NOTCH2NLR: variants seen among roughly 807,000 people sequenced by gnomAD.
NOTCH2NLR encodes notch 2 N-terminal like R.
NOTCH2NLR carries 33 observed loss-of-function variants against 35.6 expected under a neutral mutation model. The observed-to-expected ratio is 0.93, with a 90% confidence interval of 0.70 to 1.24. NOTCH2NLR has a LOEUF of 1.24. Ranked by LOEUF, NOTCH2NLR falls within the 50% of genes most tolerant of loss-of-function variation. The probability of loss-of-function intolerance (pLI) is 0.00; values close to 1 mark genes in which losing one functional copy is unlikely to be tolerated. For missense variants in NOTCH2NLR, 276 were observed against 362.2 expected (o/e 0.76, Z 1.93); for synonymous variants, 103 against 141.0 (o/e 0.73, Z 1.91).
intron 2 of NOTCH2NLR, among the ~76,000 whole-genome samples, chr1:120,781,709 GCC>G (rs1651363406): frequency 1.2e-5 from 1 of 82,822 alleles, no homozygotes; most frequent in Non-Finnish European, 2.2e-5. Flanking sequence ...GACTACAGGC[GCC>G]TGCCACCACG....
rs1488679316 is a variant in NOTCH2NLR, at chr1:120,763,062, C to T, written c.74-566C>T. On this transcript the variant is annotated intron_variant, in intron 1 of 4. Coordinates refer to ENST00000624419, the Ensembl canonical transcript of NOTCH2NLR. ...CTTAAAGCTAGAGATTATGTTTATT[C>T]GGTTATTTATGTATTCCATTTCTCC... 5.8e-5 allele frequency among the ~76,000 whole-genome samples: 5 copies of T among 85,676 alleles called. 1 individual carries two copies. The highest frequency in any genetic ancestry group is 6.4e-4 in the South Asian group (2 of 3,106). The allele number at this position is 85,676 out of a possible 152,430, so 56.2% of individuals were successfully genotyped here. A position where few individuals can be genotyped will look rare whatever the true frequency, so the allele number is the denominator to read the frequency against.
In NOTCH2NLR at chr1:120,748,113, C is replaced by CTTT. The variant is rs1186945714; in HGVS notation, c.74-15492_74-15490dup. Among the ~76,000 whole-genome samples the CTTT allele has an allele frequency of 6.1e-4, 18 of 29,684 alleles. No homozygotes were observed. In the East Asian group the frequency reaches 0.02, roughly 34 times the overall value. The allele number at this position is 29,684 out of a possible 152,430, so 19.5% of individuals were successfully genotyped here. A position where few individuals can be genotyped will look rare whatever the true frequency, so the allele number is the denominator to read the frequency against. On this transcript the variant is annotated intron_variant, in intron 1 of 4. Coordinates refer to ENST00000624419, the Ensembl canonical transcript of NOTCH2NLR. ...TAGAGTTAGGGCTTGGTAAAGGCTC[C>CTTT]TTTTTTTTTTTTTTTTTTTTTTTTT... is the stretch of plus-strand genomic sequence containing the variant.
intron 1 of NOTCH2NLR, among the ~76,000 whole-genome samples, chr1:120,756,138 G>A (rs1211657663): frequency 8.9e-6 from 1 of 112,962 alleles, no homozygotes; most frequent in Non-Finnish European, 1.7e-5. Context: ...GAAATTGCAG[G>A]GCGCTATGAG....
At chr1:120,790,004 G>T in intron 3 of NOTCH2NLR, among the ~76,000 whole-genome samples, 1 of 72,882 alleles carries the variant, frequency 1.4e-5, no homozygotes, top group Non-Finnish European at 2.4e-5. Flanking sequence ...GCAAGATTCT[G>T]ATCACCTTTT....
chr1:120,793,750 C>G, exon 5 of NOTCH2NLR: 1 of 819,098 alleles, frequency 1.2e-6, no homozygotes, highest in Non-Finnish European at 1.9e-6. Flanking sequence ...TTTGTAGAAA[C>G]AGTGAGAAAT....
Position 120,767,461 on chromosome 1 carries a change from AC to A in NOTCH2NLR, c.155+3753del, listed in dbSNP as rs1651206795. Among the ~76,000 whole-genome samples the A allele has an allele frequency of 4.4e-5, 3 of 67,556 alleles. 1 individual carries two copies. The highest frequency in any genetic ancestry group is 3.9e-4 in the African/African-American group (3 of 7,690). 44.3% of individuals were successfully genotyped at this position (67,556 alleles called of 152,430 possible). A position where few individuals can be genotyped will look rare whatever the true frequency, so the allele number is the denominator to read the frequency against. ...ATCACATTGACAGATGAAGATAACTACTTTTGAAGATTAGTTTTGTACTCAG... is the reference window on the plus strand; with the variant it reads ...ATCACATTGACAGATGAAGATAACTATTTTGAAGATTAGTTTTGTACTCAG... On this transcript the variant is annotated intron_variant, in intron 2 of 4. Transcript: ENST00000624419.
rs1651476830 is a variant in NOTCH2NLR at position 120,790,542 on chromosome 1, T to TC, written c.416-2619_416-2618insC. Among the ~76,000 whole-genome samples the TC allele has an allele frequency of 3.7e-5, 3 of 81,130 alleles. 1 individual carries two copies. The highest frequency in any genetic ancestry group is 8.8e-5 in the African/African-American group (1 of 11,330). The allele number at this position is 81,130 out of a possible 152,430, so 53.2% of individuals were successfully genotyped here. A position where few individuals can be genotyped will look rare whatever the true frequency, so the allele number is the denominator to read the frequency against. On this transcript the variant is annotated intron_variant, in intron 3 of 4. Coordinates refer to ENST00000624419, the Ensembl canonical transcript of NOTCH2NLR. The stretch of plus-strand genomic sequence containing the variant: ...TTTCTTTCTTTCTCCCTCCCTTTCT[T>TC]TCTTTCTTTCTTTCTTTCTTTCTTT...
chr1:120,778,580 G>C (rs1456930876), intron 2 of NOTCH2NLR, among the ~76,000 whole-genome samples: 47 of 18,206 alleles, frequency 2.6e-3, no homozygotes, highest in Admixed American at 7.6e-3. Context: ...TGTTGTTGTT[G>C]TTTTTTTTTG....
chr1:120,793,372 C>A lies in NOTCH2NLR; in HGVS notation c.627C>A (p.Cys209Ter), dbSNP rs1435445498. 2.4e-5 allele frequency: 34 copies of A among 1,431,638 alleles called. 7 individuals carry two copies. The highest frequency in any genetic ancestry group is 3.0e-5 in the Non-Finnish European group (32 of 1,070,322). 88.7% of individuals were successfully genotyped at this position (1,431,638 alleles called of 1,614,324 possible). Residue 209 changes from cysteine to a stop codon, truncating the protein, a stop_gained, in exon 4 of 5, where the codon TGC becomes TGA. Coordinates refer to ENST00000624419, the Ensembl canonical transcript of NOTCH2NLR. LOFTEE classifies it high-confidence loss of function. ...TGCCTGGTTCCTACCAGTGCCAGTG[C>A]CTTCAGGGCTTCACAGGCCAGTACT...
At position 120,776,129 on chromosome 1, in the gene NOTCH2NLR, T is replaced by G; in HGVS notation, c.156-8845T>G. ...CTTCTGCACTGAATAGTTGAATGCC[T>G]TCTATATGCCAGTCATTGTGTTAGG... On this transcript the variant is annotated intron_variant, in intron 2 of 4. Coordinates refer to ENST00000624419, the Ensembl canonical transcript of NOTCH2NLR. 1.7e-5 allele frequency among the ~76,000 whole-genome samples: 2 copies of G among 116,928 alleles called. 1 individual carries two copies. The highest frequency in any genetic ancestry group is 3.3e-5 in the Non-Finnish European group (2 of 61,012). 76.7% of individuals were successfully genotyped at this position (116,928 alleles called of 152,430 possible). A position where few individuals can be genotyped will look rare whatever the true frequency, so the allele number is the denominator to read the frequency against.
intron 1 of NOTCH2NLR, among the ~76,000 whole-genome samples, chr1:120,762,656 TCTTAC>T (rs1451352461): frequency 3.4e-5 from 1 of 29,342 alleles, no homozygotes; most frequent in Non-Finnish European, 5.4e-5. Context: ...TTTCTTTCTG[TCTTAC>T]CTTTCCAGTT....
intron 2 of NOTCH2NLR, among the ~76,000 whole-genome samples, chr1:120,777,820 G>A (rs1165258319): frequency 9.0e-6 from 1 of 110,502 alleles, no homozygotes; most frequent in Non-Finnish European, 1.7e-5. Context: ...AACCTAGTTA[G>A]TTACCTTTAC....
rs1418368347 is a variant in NOTCH2NLR, at chr1:120,726,346, T to C, written c.73+2096T>C. On this transcript the variant is annotated intron_variant, in intron 1 of 4. Coordinates refer to ENST00000624419, the Ensembl canonical transcript of NOTCH2NLR. ...TAGAAGAGATTTAGAAGCCGTTTCT[T>C]GGTACAAATCTTAAATCTTCTTAGA... Among the ~76,000 whole-genome samples the C allele has an allele frequency of 2.0e-4, 6 of 30,566 alleles. 2 individuals are homozygous for C. Among genetic ancestry groups the C allele is most frequent in the Non-Finnish European group, 2.9e-4 (5 of 17,132 alleles). The allele number at this position is 30,566 out of a possible 152,430, so 20.1% of individuals were successfully genotyped here. A position where few individuals can be genotyped will look rare whatever the true frequency, so the allele number is the denominator to read the frequency against.
At chr1:120,786,440 CT>C in intron 3 of NOTCH2NLR, among the ~76,000 whole-genome samples, 1 of 102,334 alleles carries the variant, frequency 9.8e-6, no homozygotes, top group Middle Eastern at 4.1e-3. Context: ...CCTTTATTCT[CT>C]CCCCATCTCA....
chr1:120,790,535 C>CCTTCCTTTCTTT lies in NOTCH2NLR; in HGVS notation c.416-2623_416-2622insCCTTTCTTTCTT, dbSNP rs1256273353. ...TTGATTCTTTCTTTCTTTCTCCCTC[C>CCTTCCTTTCTTT]CTTTCTTTCTTTCTTTCTTTCTTTC... On this transcript the variant is annotated intron_variant, in intron 3 of 4. Transcript: ENST00000624419. Among the ~76,000 whole-genome samples, 62 of 76,714 alleles carry CCTTCCTTTCTTT rather than the reference C, an allele frequency of 8.1e-4. 2 individuals are homozygous for CCTTCCTTTCTTT. In the East Asian group the frequency reaches 0.017, roughly 22 times the overall value. The allele number at this position is 76,714 out of a possible 152,430, so 50.3% of individuals were successfully genotyped here.
At chr1:120,727,837 C>G (rs1198504923) in intron 1 of NOTCH2NLR, among the ~76,000 whole-genome samples, 1 of 116,930 alleles carries the variant, frequency 8.6e-6, no homozygotes, top group East Asian at 2.1e-4. Context: ...GACTTGAAAC[C>G]AAAAGGTCTT....
In NOTCH2NLR at chr1:120,781,803, C is replaced by G. The variant is rs1459154588; in HGVS notation, c.156-3171C>G. On this transcript the variant is annotated intron_variant, in intron 2 of 4. Coordinates refer to ENST00000624419, the Ensembl canonical transcript of NOTCH2NLR. The stretch of plus-strand genomic sequence containing the variant: ...TCGATCTCCTGACCTGGTGATCTGC[C>G]TGCCTCGGCCTCCCAAAGTGCTGAG... 2.6e-3 allele frequency among the ~76,000 whole-genome samples: 307 copies of G among 117,158 alleles called. 36 individuals carry two copies. The East Asian group carries it at 0.055, about 21-fold the overall frequency. 76.9% of individuals were successfully genotyped at this position (117,158 alleles called of 152,430 possible). A position where few individuals can be genotyped will look rare whatever the true frequency, so the allele number is the denominator to read the frequency against.
At chr1:120,758,998 A>G (rs1651105355) in intron 1 of NOTCH2NLR, among the ~76,000 whole-genome samples, 2 of 111,542 alleles carry the variant, frequency 1.8e-5, no homozygotes, top group Admixed American at 1.7e-4. Context: ...ACTGTCCTAA[A>G]TTATTTTATT....
intron 1 of NOTCH2NLR, among the ~76,000 whole-genome samples, chr1:120,745,880 G>A (rs1296173183): frequency 0.01 from 617 of 60,684 alleles, 237 homozygotes; most frequent in African/African-American, 0.072. Context: ...GTCAGTGGCA[G>A]TACAAAGACA....
Sources: gnomAD v4.1 joint callset for allele counts (sites outside exome capture counted in the v4.1 genomes callset) on GRCh38, gnomAD v4.1.1 for gene constraint, MANE v1.5 for transcripts, NCBI Gene and HGNC (gene_info 2026-07-23, HGNC 2026-07-21) for gene names.